Variants in UBR2 observed in about 807,000 individuals in gnomAD.
UBR2 encodes the protein E3 ubiquitin-protein ligase UBR2.
A neutral mutation model predicts 247.9 loss-of-function variants in UBR2; 92 were observed. That is an observed-to-expected ratio of 0.37 (90% CI 0.31 to 0.44). The LOEUF (loss-of-function observed/expected upper bound fraction) is 0.44. Ranked by LOEUF, UBR2 falls within the 20% of genes least tolerant of loss-of-function variation. The probability of loss-of-function intolerance (pLI) is 1.00; values close to 1 mark genes in which losing one functional copy is unlikely to be tolerated. For synonymous variants in UBR2, 672 were observed against 693.5 expected, an observed-to-expected ratio of 0.97 and a Z score of 0.49; for missense variants, 1,613 against 2,112.6, an observed-to-expected ratio of 0.76 and a Z score of 4.64.
chr6:42,621,974 C>T (rs1795016413), intron 11 of UBR2, among the ~76,000 whole-genome samples: 1 of 152,046 alleles, frequency 6.6e-6, no homozygotes, highest in Non-Finnish European at 1.5e-5. Flanking sequence ...AAAAAAATTT[C>T]TTTCAATACT....
chr6:42,619,592 T>C lies in UBR2; in HGVS notation c.1281+2085T>C, dbSNP rs910573236. The C allele has an allele frequency of 2.5e-4, 53 of 215,288 alleles. No individual in the cohort carries two copies. The South Asian group carries it at 4.3e-3, about 18-fold the overall frequency. 13.3% of individuals were successfully genotyped at this position (215,288 alleles called of 1,614,324 possible). ...GGTGAAACCCCATCTCTACTAAAAA[T>C]AGAAAAATTAGCCAGGCGTGGTGGC... On this transcript the variant is annotated intron_variant, in intron 11 of 46. Coordinates refer to ENST00000372901, the MANE Select transcript of UBR2 (RefSeq NM_001363705.2).
intron 11 of UBR2, among the ~76,000 whole-genome samples, chr6:42,626,094 G>A (rs112057052): frequency 7.2e-5 from 11 of 152,096 alleles, no homozygotes; most frequent in African/African-American, 1.4e-4. Flanking sequence ...GATTACAGGC[G>A]TGAGCCACCG....
At chr6:42,594,454 T>A in intron 4 of UBR2, 150 bp downstream of exon 4, 1 of 608,568 alleles carries the variant, frequency 1.6e-6, no homozygotes, top group Non-Finnish European at 2.8e-6. Context: ...ATTTTGTGGA[T>A]GCTGTACGGT....
At chr6:42,670,322 A>G in intron 35 of UBR2, 82 bp downstream of exon 35, 1 of 1,532,110 alleles carries the variant, frequency 6.5e-7, no homozygotes, top group Non-Finnish European at 8.9e-7. Flanking sequence ...TTTTAAATGA[A>G]ATGTTTGAAG....
At chr6:42,624,344 G>A (rs957852884) in intron 11 of UBR2, among the ~76,000 whole-genome samples, 1 of 150,824 alleles carries the variant, frequency 6.6e-6, no homozygotes, top group African/African-American at 2.4e-5. Flanking sequence ...TGGTGGGGGG[G>A]GTGTTGCTTT....
At chr6:42,661,081 C>G (rs1345065247) in intron 30 of UBR2, among the ~76,000 whole-genome samples, 3 of 151,472 alleles carry the variant, frequency 2.0e-5, no homozygotes, top group Non-Finnish European at 4.4e-5. Flanking sequence ...ATCACAAGGT[C>G]AGGAGATCAA....
chr6:42,618,212 C>A (rs780419854), intron 11 of UBR2, among the ~76,000 whole-genome samples: 1 of 152,152 alleles, frequency 6.6e-6, no homozygotes, highest in Non-Finnish European at 1.5e-5. Flanking sequence ...TAACAAGAGA[C>A]CTGTCCTTTT....
chr6:42,691,848 T>A lies in UBR2; in HGVS notation c.*675T>A, dbSNP rs1431203028. 1 of 151,700 alleles carries A rather than the reference T, an allele frequency of 6.6e-6. No individual in the cohort carries two copies. Among genetic ancestry groups the A allele is most frequent in the Non-Finnish European group, 1.5e-5 (1 of 67,968 alleles). The allele number at this position is 151,700 out of a possible 1,614,324, so 9.4% of individuals were successfully genotyped here. On this transcript the variant is annotated 3_prime_UTR_variant, in exon 47 of 47. Transcript: ENST00000372901. ...CTTTGAGAAAACTCACTTAGAGGGC[T>A]TTCCAAAAACTTAGGATGGTCTAAA...
intron 4 of UBR2, among the ~76,000 whole-genome samples, chr6:42,600,416 T>C (rs1191228349): frequency 6.6e-6 from 1 of 152,196 alleles, no homozygotes; most frequent in Non-Finnish European, 1.5e-5. Flanking sequence ...TGATTTATGC[T>C]ATGAAAAGGG....
chr6:42,666,474 A>T (rs1033790066), intron 34 of UBR2, among the ~76,000 whole-genome samples: 2 of 152,184 alleles, frequency 1.3e-5, no homozygotes, highest in South Asian at 4.1e-4. Flanking sequence ...TGGGTGACAG[A>T]GTGAGACCCT....
chr6:42,611,497 A>G (rs1257582923), intron 7 of UBR2, among the ~76,000 whole-genome samples: 1 of 151,948 alleles, frequency 6.6e-6, no homozygotes, highest in Non-Finnish European at 1.5e-5. Flanking sequence ...ACATCTATGC[A>G]ATAAATTATT....
chr6:42,573,806 T>C lies in UBR2; in HGVS notation c.151T>C (p.Cys51Arg), dbSNP rs749357262. Reference sequence around the variant, plus strand: ...AGCCCACTATGTACCCAAAATCTACTGCAGGGGTCCCAACCCTTTTCCACA... The same window carrying C: ...AGCCCACTATGTACCCAAAATCTACCGCAGGGGTCCCAACCCTTTTCCACA... ...HLAHYVPKIY[C>R]RGPNPFPQKE... The change falls in exon 2 of 47, where the codon TGC becomes CGC. Residue 51 changes from cysteine to arginine, a missense_variant. Cys to Arg is a radical substitution (Grantham distance 180). Transcript: ENST00000372901. The C allele has an allele frequency of 1.9e-6, 3 of 1,613,416 alleles. No homozygotes were observed. The highest frequency in any genetic ancestry group is 1.3e-5 in the African/African-American group (1 of 74,912).
intron 2 of UBR2, among the ~76,000 whole-genome samples, chr6:42,588,981 AT>A (rs1562288267): frequency 6.6e-6 from 1 of 152,084 alleles, no homozygotes; most frequent in African/African-American, 2.4e-5. Flanking sequence ...TGGGCATTGT[AT>A]TTTGTCAAAT....
intron 1 of UBR2, among the ~76,000 whole-genome samples, chr6:42,568,145 G>A (rs534672316): frequency 9.9e-5 from 15 of 152,210 alleles, no homozygotes; most frequent in African/African-American, 2.6e-4. Flanking sequence ...TTTTTAAACC[G>A]TTTTATTGAG....
At chr6:42,669,711 T>C (rs1798322444) in intron 34 of UBR2, among the ~76,000 whole-genome samples, 1 of 152,216 alleles carries the variant, frequency 6.6e-6, no homozygotes, top group Non-Finnish European at 1.5e-5. Context: ...CTCCAGTCTT[T>C]TGCTTGGTGA....
intron 22 of UBR2, among the ~76,000 whole-genome samples, chr6:42,649,803 C>CTG (rs56144328): frequency 0.92 from 140,654 of 152,194 alleles, 65,154 homozygotes; most frequent in East Asian, 1. Context: ...TTCTTCCAGT[C>CTG]TCCCTTGTTT....
At chr6:42,667,472 A>C (rs1798171393) in intron 34 of UBR2, among the ~76,000 whole-genome samples, 1 of 151,418 alleles carries the variant, frequency 6.6e-6, no homozygotes, top group African/African-American at 2.4e-5. Context: ...TGACTGGTAA[A>C]TTATTCCACA....
chr6:42,627,323 A>G (rs1795415504), intron 11 of UBR2, among the ~76,000 whole-genome samples: 1 of 152,136 alleles, frequency 6.6e-6, no homozygotes. Context: ...TAGTAATGTT[A>G]TCTGTAGGAG....
chr6:42,627,959 C>G (rs1209108728), intron 11 of UBR2, among the ~76,000 whole-genome samples: 5 of 152,148 alleles, frequency 3.3e-5, no homozygotes, highest in African/African-American at 1.2e-4. Context: ...AGATCTCTTT[C>G]GTTGTCATAA....
Sources: gnomAD v4.1 joint callset for allele counts (sites outside exome capture counted in the v4.1 genomes callset) on GRCh38, gnomAD v4.1.1 for gene constraint, MANE v1.5 for transcripts, NCBI Gene and HGNC (gene_info 2026-07-23, HGNC 2026-07-21) for gene names.